Variants in KCNA3 observed in about 807,000 individuals in gnomAD.
KCNA3 encodes potassium voltage-gated channel subfamily A member 3, also known as RP11-284N8.3.
Under a neutral mutation model 34.3 loss-of-function variants are expected in KCNA3, and 18 were observed. The observed-to-expected ratio is 0.52, with a 90% confidence interval of 0.36 to 0.78. KCNA3 has a LOEUF of 0.78. Among genes scored for constraint, KCNA3 ranks in the 30% least tolerant of loss-of-function variants. The probability of loss-of-function intolerance (pLI) is 0.00; values close to 1 mark genes in which losing one functional copy is unlikely to be tolerated. For missense variants in KCNA3, 587 were observed against 802.5 expected (o/e 0.73, Z 3.24); for synonymous variants, 324 against 351.7 (o/e 0.92, Z 0.88).
rs1412387941 is a variant in KCNA3 at position 110,674,008 on chromosome 1, A to G, written c.802T>C (p.Ser268Pro). The change falls in exon 1 of 1, where the codon TCG becomes CCG. Residue 268 changes from serine (S) to proline (P), a missense_variant. Ser to Pro is a moderately conservative substitution (Grantham distance 74). This residue lies in a region of KCNA3 where 50 missense variants were observed against 45.3 expected (regional missense o/e 1.10). Coordinates refer to ENST00000369769, the MANE Select transcript of KCNA3 (RefSeq NM_002232.5). This position sits in a 1 kb window ranked among gnomAD's most constrained non-coding sequence, Gnocchi z 6.4. The part of the protein sequence containing the change: ...EFRDEKDYPA[S>P]TSQDSFEAAG... ...GCTTCGAATGAGTCCTGCGACGTCG[A>G]GGCGGGGTAGTCCTTCTCGTCGCGG... is the stretch of plus-strand genomic sequence containing the variant. The G allele has an allele frequency of 6.2e-6, 10 of 1,612,726 alleles. No individual in the cohort carries two copies. Among genetic ancestry groups the G allele is most frequent in the Middle Eastern group, 3.3e-4 (2 of 6,060 alleles).
Position 110,673,107 on chromosome 1 carries a change from A to T in KCNA3, c.1703T>A (p.Ile568Asn), listed in dbSNP as rs773212851. Residue 568 changes from isoleucine (I) to asparagine (N), a missense_variant, in exon 1 of 1, where the codon ATC becomes AAC. Transcript: ENST00000369769. The surrounding 1 kb of genome is among the most constrained non-coding windows in gnomAD (Gnocchi z 8.8). The part of the protein sequence containing the change: ...TNNNPNSCVN[I>N]KKIFTDV The stretch of plus-strand genomic sequence containing the variant: ...TTAAACATCGGTGAATATCTTTTTG[A>T]TGTTGACACAAGAGTTGGGATTATT... The T allele has an allele frequency of 5.0e-6, 8 of 1,612,568 alleles. No individual in the cohort carries two copies. Among genetic ancestry groups the T allele is most frequent in the Non-Finnish European group, 6.8e-6 (8 of 1,179,280 alleles).
chr1:110,668,347 G>C (rs1651762146), downstream of KCNA3, among the ~76,000 whole-genome samples: 1 of 152,110 alleles, frequency 6.6e-6, no homozygotes, highest in Non-Finnish European at 1.5e-5. Context: ...TGGAACTGCT[G>C]TAGAAAATGT....
chr1:110,673,498 C>A lies in KCNA3; in HGVS notation c.1312G>T (p.Ala438Ser), dbSNP rs763379363. Residue 438 changes from alanine (A) to serine (S), a missense_variant, in exon 1 of 1, where the codon GCA (alanine) becomes TCA (serine). Physicochemically the swap from Ala to Ser is moderately conservative, Grantham distance 99 (BLOSUM62 1). Transcript: ENST00000369769. This position sits in a 1 kb window ranked among gnomAD's most constrained non-coding sequence, Gnocchi z 8.8. ...CCCACTGTTGTCATGGTTACCACTG[C>A]CCACCAGAAGGCATCCGGGATGCTG... ...FSSIPDAFWWAVVTMTTVGYG... is the reference protein window; with the variant it reads ...FSSIPDAFWWSVVTMTTVGYG... 5 of 1,614,154 alleles carry A rather than the reference C, an allele frequency of 3.1e-6. No homozygotes were observed. Among genetic ancestry groups the A allele is most frequent in the South Asian group, 2.2e-5 (2 of 91,076 alleles).
chr1:110,666,220 T>C, the KCNA3 span, among the ~76,000 whole-genome samples: 24 of 152,198 alleles, frequency 1.6e-4, no homozygotes, highest in African/African-American at 5.8e-4. Flanking sequence ...AGTAATAGTA[T>C]TTCTTATAAT....
At chr1:110,662,247 C>A in the KCNA3 span, among the ~76,000 whole-genome samples, 1 of 151,544 alleles carries the variant, frequency 6.6e-6, no homozygotes. Context: ...AAACAGTGAC[C>A]TATAATTGAA....
chr1:110,661,691 C>G, the KCNA3 span, among the ~76,000 whole-genome samples: 2 of 152,068 alleles, frequency 1.3e-5, no homozygotes, highest in Non-Finnish European at 2.9e-5. Flanking sequence ...GTATTAATAC[C>G]TGCCTCTCAA....
At position 110,673,900 on chromosome 1, in the gene KCNA3, T is replaced by A. The variant is rs200371776; in HGVS notation, c.910A>T (p.Ile304Phe). 1.1e-5 allele frequency: 17 copies of A among 1,614,036 alleles called. No homozygotes were observed. The highest frequency in any genetic ancestry group is 1.4e-5 in the Non-Finnish European group (16 of 1,180,022). The change falls in exon 1 of 1, where the codon ATC becomes TTC. Residue 304 changes from isoleucine to phenylalanine, a missense_variant. Physicochemically the swap from Ile to Phe is conservative, Grantham distance 21. Around this residue, in one of 7 missense-constraint regions of KCNA3, gnomAD observed 84 missense variants for 223.1 expected, o/e 0.38. Transcript: ENST00000369769. This position sits in a 1 kb window ranked among gnomAD's most constrained non-coding sequence, Gnocchi z 8.8. ...PFFVVETLCIIWFSFELLVRF... is the reference protein window; with the variant it reads ...PFFVVETLCIFWFSFELLVRF... ...ACCAGCAGTTCGAAGGAGAACCAGA[T>A]GATGCACAGCGTCTCCACCACGAAG...
Position 110,673,160 on chromosome 1 carries a change from G to C in KCNA3, c.1650C>G (p.Gly550=). ...TCGTGGTGCAGGTGGCAGTGGAATT[G>C]CCCGTTTTGAAAGGGGTCTGGGGGA... ...SAFPQTPFKT[G]NSTATCTTNN... is the part of the protein sequence containing the mutation. Residue 550 remains glycine, a synonymous_variant, in exon 1 of 1, where the codon GGC becomes GGG. Transcript: ENST00000369769. The surrounding 1 kb of genome is among the most constrained non-coding windows in gnomAD (Gnocchi z 8.8). 1 of 1,614,150 alleles carries C rather than the reference G, an allele frequency of 6.2e-7. No homozygotes were observed. The highest frequency in any genetic ancestry group is 8.5e-7 in the Non-Finnish European group (1 of 1,180,018).
In KCNA3 at chr1:110,673,018, A is replaced by C; in HGVS notation, c.*64T>G. The C allele has an allele frequency of 6.8e-7, 1 of 1,470,042 alleles. No homozygotes were observed. The highest frequency in any genetic ancestry group is 9.3e-7 in the Non-Finnish European group (1 of 1,075,336). 91.1% of individuals were successfully genotyped at this position (1,470,042 alleles called of 1,614,324 possible). ...GTCTGGAAATGTATAAAACAAGGGC[A>C]TAGGCAGACCAAGGGGGCACGTTCC... On this transcript the variant is annotated 3_prime_UTR_variant, in exon 1 of 1. Transcript: ENST00000369769. This position sits in a 1 kb window ranked among gnomAD's most constrained non-coding sequence, Gnocchi z 8.8.
the KCNA3 span, among the ~76,000 whole-genome samples, chr1:110,666,740 G>A: frequency 2.6e-5 from 4 of 152,254 alleles, no homozygotes; most frequent in South Asian, 2.1e-4. Flanking sequence ...GATTACAGTG[G>A]TCCTGGCAGT....
chr1:110,674,745 G>A lies in KCNA3; in HGVS notation c.65C>T (p.Pro22Leu). 1 of 1,390,502 alleles carries A rather than the reference G, an allele frequency of 7.2e-7. No homozygotes were observed. The highest frequency in any genetic ancestry group is 9.3e-7 in the Non-Finnish European group (1 of 1,079,678). The allele number at this position is 1,390,502 out of a possible 1,614,324, so 86.1% of individuals were successfully genotyped here. A position where few individuals can be genotyped will look rare whatever the true frequency, so the allele number is the denominator to read the frequency against. ...PPPSARHRAH[P>L]PQRPASSGGA... is the part of the protein sequence containing the mutation. Reference sequence around the variant, plus strand: ...GCCGCTGCTCGCTGGGCGCTGAGGAGGGTGGGCGCGGTGGCGGGCTGAGGG... The same window carrying A: ...GCCGCTGCTCGCTGGGCGCTGAGGAAGGTGGGCGCGGTGGCGGGCTGAGGG... The change falls in exon 1 of 1, where the codon CCT becomes CTT. Residue 22 changes from proline to leucine, a missense_variant. Coordinates refer to ENST00000369769, the MANE Select transcript of KCNA3 (RefSeq NM_002232.5). This position sits in a 1 kb window ranked among gnomAD's most constrained non-coding sequence, Gnocchi z 6.4.
the KCNA3 span, among the ~76,000 whole-genome samples, chr1:110,665,874 G>C: frequency 1.3e-5 from 2 of 152,124 alleles, no homozygotes; most frequent in Non-Finnish European, 2.9e-5. Context: ...AATGACCACT[G>C]GGTATCGTTA....
the KCNA3 span, among the ~76,000 whole-genome samples, chr1:110,658,755 C>A: frequency 1.3e-5 from 2 of 151,810 alleles, no homozygotes; most frequent in Admixed American, 1.3e-4. Context: ...TTTGTCTCAC[C>A]ACACCAAACA....
At chr1:110,661,092 T>C in the KCNA3 span, among the ~76,000 whole-genome samples, 1 of 152,056 alleles carries the variant, frequency 6.6e-6, no homozygotes, top group Non-Finnish European at 1.5e-5. Context: ...TAAACCCAGC[T>C]CTGGGTTTGA....
rs2100950876 is a variant in KCNA3, at chr1:110,674,626, G to A, written c.184C>T (p.Leu62=). The A allele has an allele frequency of 1.3e-6, 2 of 1,554,766 alleles. No homozygotes were observed. The highest frequency in any genetic ancestry group is 2.5e-5 in the East Asian group (1 of 40,042). Residue 62 remains leucine, a synonymous_variant, in exon 1 of 1, where the codon CTG becomes TTG. Transcript: ENST00000369769. This position sits in a 1 kb window ranked among gnomAD's most constrained non-coding sequence, Gnocchi z 6.4. ...CCACCATCGGCCACCTCCGGCTCCAGCAGGTGGTCCCCGGGCACCACGGTC... is the reference window on the plus strand; with the variant it reads ...CCACCATCGGCCACCTCCGGCTCCAACAGGTGGTCCCCGGGCACCACGGTC... ...DMTVVPGDHL[L]EPEVADGGGA...
In KCNA3 at chr1:110,673,607, G is replaced by A. The variant is rs867758920; in HGVS notation, c.1203C>T (p.Leu401=). 1 of 1,614,224 alleles carries A rather than the reference G, an allele frequency of 6.2e-7. No individual in the cohort carries two copies. The highest frequency in any genetic ancestry group is 8.5e-7 in the Non-Finnish European group (1 of 1,180,044). ...TGACCCCAATAAAGAGGAAGAAGAT[G>A]AGCAATCCCAGCTCCCGCATGGACG... is the stretch of plus-strand genomic sequence containing the variant. ...LKASMRELGL[L]IFFLFIGVIL... The change falls in exon 1 of 1, where the codon CTC becomes CTT. Residue 401 remains leucine, a synonymous_variant. Transcript: ENST00000369769. This position sits in a 1 kb window ranked among gnomAD's most constrained non-coding sequence, Gnocchi z 8.8.
Position 110,673,847 on chromosome 1 carries a change from G to A in KCNA3, c.963C>T (p.Ala321=), listed in dbSNP as rs758098265. 6.2e-7 allele frequency: 1 copy of A among 1,614,134 alleles called. No individual in the cohort carries two copies. Among genetic ancestry groups the A allele is most frequent in the Non-Finnish European group, 8.5e-7 (1 of 1,180,022 alleles). Residue 321 remains alanine (A), a synonymous_variant, in exon 1 of 1, where the codon GCC becomes GCT. Coordinates refer to ENST00000369769, the MANE Select transcript of KCNA3 (RefSeq NM_002232.5). This position sits in a 1 kb window ranked among gnomAD's most constrained non-coding sequence, Gnocchi z 8.8. ...GGTTCATGATGTTTCGCGAGAAGGT[G>A]GCTTTGCTAGGACAAGCGAAGAACC... ...LVRFFACPSK[A]TFSRNIMNLI... is the part of the protein sequence containing the mutation.
chr1:110,669,640 G>T (rs1333247861), downstream of KCNA3, among the ~76,000 whole-genome samples: 1 of 152,104 alleles, frequency 6.6e-6, no homozygotes, highest in Non-Finnish European at 1.5e-5. Flanking sequence ...AAGTAGCATG[G>T]GTTTCAGAGC....
chr1:110,663,568 T>C, the KCNA3 span, among the ~76,000 whole-genome samples: 1 of 152,168 alleles, frequency 6.6e-6, no homozygotes, highest in South Asian at 2.1e-4. Flanking sequence ...TCCTCTCTAT[T>C]CTTATTAGGA....
Sources: allele counts gnomAD v4.1 joint callset (sites outside exome capture counted in the v4.1 genomes callset), GRCh38; gene constraint gnomAD v4.1.1; regional missense constraint gnomAD v4.1.1; non-coding constraint Gnocchi (gnomAD v3.1); transcripts MANE v1.5; gene names NCBI Gene and HGNC (gene_info 2026-07-23, HGNC 2026-07-21).